Variants in ITGA7 observed in about 807,000 individuals in gnomAD.
ITGA7 encodes the protein integrin subunit alpha 7.
ITGA7 carries 84 observed loss-of-function variants against 131.6 expected under a neutral mutation model. The ratio of observed to expected loss-of-function variants is 0.64; its 90% CI spans 0.54 to 0.77. The LOEUF is 0.77. Ranked by LOEUF, ITGA7 falls within the 30% of genes least tolerant of loss-of-function variation. ITGA7 has a pLI of 0.00. For missense variants in ITGA7, 1,399 were observed against 1,482.9 expected, an observed-to-expected ratio of 0.94 and a Z score of 0.93; for synonymous variants, 548 against 600.7, an observed-to-expected ratio of 0.91 and a Z score of 1.28.
intron 19 of ITGA7, 117 bp from the exon 20 acceptor site, chr12:55,693,434 A>G: frequency 1.1e-6 from 1 of 934,670 alleles, no homozygotes; most frequent in Non-Finnish European, 1.6e-6. Flanking sequence ...TCCTGGGCTC[A>G]AGTGATCCTG....
In ITGA7 at chr12:55,695,512, C is replaced by T. The variant is rs1872441376; in HGVS notation, c.2003+10G>A. ...CCTCCCACCCCCACCCTGCTCTCTGCCCCCCTCACATGGGCAGAGGTTGGA... is the reference window on the plus strand; with the variant it reads ...CCTCCCACCCCCACCCTGCTCTCTGTCCCCCTCACATGGGCAGAGGTTGGA... On this transcript the variant is annotated intron_variant, in intron 14 of 24. Transcript: ENST00000257879. 2.0e-6 allele frequency: 3 copies of T among 1,489,338 alleles called. No homozygotes were observed. The highest frequency in any genetic ancestry group is 2.8e-6 in the Non-Finnish European group (3 of 1,067,220). The allele number at this position is 1,489,338 out of a possible 1,614,324, so 92.3% of individuals were successfully genotyped here.
Position 55,699,971 on chromosome 12 carries a change from T to C in ITGA7, c.689A>G (p.Asn230Ser), listed in dbSNP as rs1245696856. 20 of 1,613,894 alleles carry C rather than the reference T, an allele frequency of 1.2e-5. No individual in the cohort carries two copies. In the Admixed American group the frequency reaches 3.0e-4, roughly 24 times the overall value. The change falls in exon 5 of 25, where the codon AAC becomes AGC. Residue 230 changes from asparagine to serine, a missense_variant. Coordinates refer to ENST00000257879, the MANE Select transcript of ITGA7 (RefSeq NM_002206.3). ...YNWKGLLFVT[N>S]IDSSDPDQLV... Reference sequence around the variant, plus strand: ...CTGGTCGGGGTCTGAGCTATCAATGTTGGTCACAAAAAGCAACCCTGTGGG... The same window carrying C: ...CTGGTCGGGGTCTGAGCTATCAATGCTGGTCACAAAAAGCAACCCTGTGGG...
chr12:55,706,624 TC>T (rs200393559), intron 1 of ITGA7, among the ~76,000 whole-genome samples: 3,318 of 152,200 alleles, frequency 0.022, 115 homozygotes, highest in African/African-American at 0.076. Context: ...ACATGACCAG[TC>T]ACAGGCCCCT....
chr12:55,699,758 G>A, intron 5 of ITGA7, 112 bp downstream of exon 5: 1 of 1,334,634 alleles, frequency 7.5e-7, no homozygotes, highest in Non-Finnish European at 1.0e-6. Flanking sequence ...ATGTCTCCCT[G>A]GGTGTGTGTT....
In ITGA7 at chr12:55,685,000, G is replaced by T. The variant is rs1387542530; in HGVS notation, c.*58C>A. The T allele has an allele frequency of 3.6e-5, 50 of 1,385,098 alleles. No homozygotes were observed. Among genetic ancestry groups the T allele is most frequent in the Middle Eastern group, 4.7e-4 (2 of 4,252 alleles). 85.8% of individuals were successfully genotyped at this position (1,385,098 alleles called of 1,614,324 possible). A position where few individuals can be genotyped will look rare whatever the true frequency, so the allele number is the denominator to read the frequency against. ...CCCACTCTACCCTCTTCATCCCAAG[G>T]AGCCATCTCTGGGGAAGGGATGGAG... On this transcript the variant is annotated 3_prime_UTR_variant, in exon 25 of 25. Coordinates refer to ENST00000257879, the MANE Select transcript of ITGA7 (RefSeq NM_002206.3).
At position 55,707,561 on chromosome 12, in the gene ITGA7, G is replaced by A; in HGVS notation, c.122C>T (p.Ala41Val). Residue 41 changes from alanine to valine, a missense_variant, in exon 1 of 25, where the codon GCC (alanine) becomes GTC (valine). Coordinates refer to ENST00000257879, the MANE Select transcript of ITGA7 (RefSeq NM_002206.3). ...GCCTGGCTCGCCCTCCTTGCGCAAGGCACCCATCACGTCCAGATTGAAGGC... is the reference window on the plus strand; with the variant it reads ...GCCTGGCTCGCCCTCCTTGCGCAAGACACCCATCACGTCCAGATTGAAGGC... ...AVAFNLDVMG[A>V]LRKEGEPGSL... 6.2e-7 allele frequency: 1 copy of A among 1,613,958 alleles called. No homozygotes were observed. Among genetic ancestry groups the A allele is most frequent in the Non-Finnish European group, 8.5e-7 (1 of 1,179,934 alleles).
At position 55,698,412 on chromosome 12, in the gene ITGA7, A is replaced by T; in HGVS notation, c.1163T>A (p.Leu388Gln). 1 of 1,613,580 alleles carries T rather than the reference A, an allele frequency of 6.2e-7. No individual in the cohort carries two copies. Among genetic ancestry groups the T allele is most frequent in the Non-Finnish European group, 8.5e-7 (1 of 1,179,700 alleles). Reference protein sequence around the residue: ...DSMFGISLAVLGDLNQDGFPD... With the variant: ...DSMFGISLAVQGDLNQDGFPD... Reference sequence around the variant, plus strand: ...AAAGCCATCTTGGTTGAGGTCCCCCAGGACAGCCAGGCTGATCCCGAACAT... The same window carrying T: ...AAAGCCATCTTGGTTGAGGTCCCCCTGGACAGCCAGGCTGATCCCGAACAT... The change falls in exon 7 of 25, where the codon CTG (leucine) becomes CAG (glutamine). Residue 388 changes from leucine (L) to glutamine (Q), a missense_variant. Leu to Gln is a moderately radical substitution (Grantham distance 113, BLOSUM62 -2). Coordinates refer to ENST00000257879, the MANE Select transcript of ITGA7 (RefSeq NM_002206.3).
chr12:55,687,080 A>C (rs1433649782), intron 24 of ITGA7, among the ~76,000 whole-genome samples: 1 of 149,814 alleles, frequency 6.7e-6, no homozygotes, highest in South Asian at 2.1e-4. Flanking sequence ...TCTCAACTCA[A>C]CACTTCCTGC....
At chr12:55,716,145 C>T, upstream of ITGA7, 1 of 1,612,136 alleles carries the variant, frequency 6.2e-7, no homozygotes, top group Non-Finnish European at 8.5e-7. Context: ...CATGCTGTCC[C>T]GCCTCCTAAA....
chr12:55,707,754 A>C lies in ITGA7; in HGVS notation c.-72T>G, dbSNP rs1875549238. 6.5e-7 allele frequency: 1 copy of C among 1,547,092 alleles called. No individual in the cohort carries two copies. Among genetic ancestry groups the C allele is most frequent in the African/African-American group, 1.4e-5 (1 of 72,542 alleles). On this transcript the variant is annotated 5_prime_UTR_variant, in exon 1 of 25. Coordinates refer to ENST00000257879, the MANE Select transcript of ITGA7 (RefSeq NM_002206.3). ...CACGCCCCAAGCCCCAGGTCCCCCC[A>C]GGCGCGTCTCTGGTCTCCAAAGTCT...
intron 21 of ITGA7, among the ~76,000 whole-genome samples, chr12:55,691,075 T>A (rs958776776): frequency 6.6e-5 from 10 of 151,550 alleles, no homozygotes; most frequent in Non-Finnish European, 1.3e-4. Flanking sequence ...CATATGTAAC[T>A]AACCTGCACA....
At chr12:55,686,177 A>T (rs1475051863) in intron 24 of ITGA7, 1 of 1,250,812 alleles carries the variant, frequency 8.0e-7, no homozygotes, top group Non-Finnish European at 1.1e-6. Flanking sequence ...CACACACTAG[A>T]CACATGCACA....
In ITGA7 at chr12:55,688,909, A is replaced by G. The variant is rs371338576; in HGVS notation, c.2893T>C (p.Tyr965His). The G allele has an allele frequency of 7.4e-6, 12 of 1,613,908 alleles. No homozygotes were observed. The highest frequency in any genetic ancestry group is 6.8e-6 in the Non-Finnish European group (8 of 1,179,980). Residue 965 changes from tyrosine to histidine, a missense_variant, in exon 22 of 25, where the codon TAC becomes CAC. Coordinates refer to ENST00000257879, the MANE Select transcript of ITGA7 (RefSeq NM_002206.3). ...ANCVVFSCPL[Y>H]SFDRAAVLHV... Reference sequence around the variant, plus strand: ...AGCACAGCCGCGCGGTCAAAGCTGTAGAGTGGGCAGCTGAACACCACACAG... The same window carrying G: ...AGCACAGCCGCGCGGTCAAAGCTGTGGAGTGGGCAGCTGAACACCACACAG...
upstream of ITGA7, among the ~76,000 whole-genome samples, chr12:55,713,444 G>A (rs1355565185): frequency 3.9e-5 from 6 of 152,154 alleles, no homozygotes; most frequent in Non-Finnish European, 7.3e-5. Context: ...AGTATACAGC[G>A]GTAAGACTCA....
At chr12:55,702,995 A>C in intron 2 of ITGA7, 44 bp from the exon 3 acceptor site, 1 of 1,613,356 alleles carries the variant, frequency 6.2e-7, no homozygotes, top group African/African-American at 1.3e-5. Context: ...AGAGGAGCCC[A>C]AGTCCTCTCC....
chr12:55,700,189 G>A (rs1873654524), intron 4 of ITGA7, 200 bp from the exon 5 acceptor site: 2 of 1,518,366 alleles, frequency 1.3e-6, no homozygotes, highest in Non-Finnish European at 1.8e-6. Flanking sequence ...CAGAAGGATG[G>A]GAGCATGGAG....
rs1874411989 is a variant in ITGA7 at position 55,703,067 on chromosome 12, C to T, written c.318G>A (p.Val106=). Residue 106 remains valine (V), a synonymous_variant, in exon 2 of 25, where the codon GTG becomes GTA. Transcript: ENST00000257879. ...GGGCCACACCTCCCTGGTCGATGTCCACTCTGTAGCAGTCAGTCTCCTCCA... is the reference window on the plus strand; with the variant it reads ...GGGCCACACCTCCCTGGTCGATGTCTACTCTGTAGCAGTCAGTCTCCTCCA... ...LSLEETDCYR[V]DIDQGADMQK... is the part of the protein sequence containing the mutation. 6.2e-7 allele frequency: 1 copy of T among 1,614,124 alleles called. No homozygotes were observed. Among genetic ancestry groups the T allele is most frequent in the Middle Eastern group, 1.6e-4 (1 of 6,062 alleles).
At position 55,701,062 on chromosome 12, in the gene ITGA7, G is replaced by A. The variant is rs747196893; in HGVS notation, c.507C>T (p.Asp169=). ...CATCCAACTCATCCCGGATGGCCAG[G>A]TCCTGGCTGAGCACAAAGCAGCGAC... ...MIGRCFVLSQ[D]LAIRDELDGG... is the part of the protein sequence containing the mutation. The change falls in exon 4 of 25, where the codon GAC becomes GAT. Residue 169 remains aspartate (D), a synonymous_variant. Transcript: ENST00000257879. The A allele has an allele frequency of 3.7e-6, 6 of 1,614,238 alleles. No individual in the cohort carries two copies. In the Admixed American group the frequency reaches 8.3e-5, roughly 22 times the overall value.
chr12:55,699,858 G>A lies in ITGA7; in HGVS notation c.790+12C>T, dbSNP rs1291017328. On this transcript the variant is annotated intron_variant, in intron 5 of 24. Coordinates refer to ENST00000257879, the MANE Select transcript of ITGA7 (RefSeq NM_002206.3). ...CATGCCCCTAGAGTCCAGGAGGTGG[G>A]AGCTTACAAACCTAAGTAGCTATTG... The A allele has an allele frequency of 7.5e-6, 12 of 1,598,408 alleles. No individual in the cohort carries two copies. The highest frequency in any genetic ancestry group is 1.3e-5 in the African/African-American group (1 of 74,864).
Sources: gnomAD v4.1 joint callset for allele counts (sites outside exome capture counted in the v4.1 genomes callset) on GRCh38, gnomAD v4.1.1 for gene constraint, MANE v1.5 for transcripts, NCBI Gene and HGNC (gene_info 2026-07-23, HGNC 2026-07-21) for gene names.